Variants in ABCA5 observed in about 807,000 individuals in gnomAD.
The protein encoded by ABCA5 is cholesterol transporter ABCA5.
A neutral mutation model predicts 206.0 loss-of-function variants in ABCA5; 163 were observed. That is an observed-to-expected ratio of 0.79 (90% CI 0.70 to 0.90). The LOEUF (loss-of-function observed/expected upper bound fraction) is 0.90. Ranked by LOEUF, ABCA5 falls within the 40% of genes least tolerant of loss-of-function variation. The probability of loss-of-function intolerance (pLI) is 0.00; values close to 1 mark genes in which losing one functional copy is unlikely to be tolerated. For missense variants in ABCA5, 1,859 were observed against 1,912.9 expected, an observed-to-expected ratio of 0.97 and a Z score of 0.53; for synonymous variants, 609 against 613.8, an observed-to-expected ratio of 0.99 and a Z score of 0.11.
chr17:69,246,449 T>C lies in ABCA5; in HGVS notation c.*1088A>G, dbSNP rs182373879. On this transcript the variant is annotated 3_prime_UTR_variant, in exon 39 of 39. Transcript: ENST00000392676. ...AGAAAATATTAGCCATGCCTTTAAC[T>C]CTATCAAAAATGAAATTCTGGTTCT... 47 of 152,068 alleles carry C rather than the reference T, an allele frequency of 3.1e-4. No homozygotes were observed. The highest frequency in any genetic ancestry group is 1.1e-3 in the African/African-American group (45 of 41,556). 9.4% of individuals were successfully genotyped at this position (152,068 alleles called of 1,614,324 possible). A position where few individuals can be genotyped will look rare whatever the true frequency, so the allele number is the denominator to read the frequency against.
intron 31 of ABCA5, 123 bp downstream of exon 31, chr17:69,255,420 G>T: frequency 1.7e-6 from 1 of 576,298 alleles, no homozygotes; most frequent in Non-Finnish European, 2.8e-6. Context: ...TGATCAGGCT[G>T]TACAAAAAAT....
chr17:69,256,047 T>G, intron 29 of ABCA5, 110 bp downstream of exon 29: 1 of 1,379,562 alleles, frequency 7.2e-7, no homozygotes, highest in Non-Finnish European at 9.7e-7. Flanking sequence ...AAGAAAGATT[T>G]TTTTCAGATT....
At chr17:69,313,323 C>A in intron 2 of ABCA5, 27 bp from the exon 3 acceptor site, 2 of 1,065,268 alleles carry the variant, frequency 1.9e-6, no homozygotes, top group Non-Finnish European at 2.7e-6. Context: ...AAAGTAATTA[C>A]AAAGTATAAC....
rs116458150 is a variant in ABCA5, at chr17:69,296,691, G to A, written c.1436+500C>T. On this transcript the variant is annotated intron_variant, in intron 10 of 38. Transcript: ENST00000392676. ...AAACATAAAATTTCAGGGGACAGGT[G>A]TGGTGGCTTACGCCTGTAATCCCAG... 2.8e-3 allele frequency among the ~76,000 whole-genome samples: 428 copies of A among 152,342 alleles called. 5 individuals are homozygous for A. The highest frequency in any genetic ancestry group is 0.01 in the African/African-American group (421 of 41,576).
At chr17:69,296,871 A>G (rs1598188946) in intron 10 of ABCA5, among the ~76,000 whole-genome samples, 1 of 152,208 alleles carries the variant, frequency 6.6e-6, no homozygotes, top group East Asian at 1.9e-4. Context: ...AGGTTGAGGC[A>G]CAAGAATTGT....
chr17:69,286,767 G>A (rs2075459098), intron 15 of ABCA5, among the ~76,000 whole-genome samples: 1 of 152,132 alleles, frequency 6.6e-6, no homozygotes, highest in African/African-American at 2.4e-5. Flanking sequence ...TGAATGACTT[G>A]CCCAATTTTA....
chr17:69,290,578 A>G (rs776627619), intron 12 of ABCA5, among the ~76,000 whole-genome samples: 4 of 152,146 alleles, frequency 2.6e-5, no homozygotes, highest in Non-Finnish European at 5.9e-5. Flanking sequence ...ACCATCAAAG[A>G]GTGATACAAC....
intron 23 of ABCA5, among the ~76,000 whole-genome samples, chr17:69,266,135 C>CA (rs1044028502): frequency 8.0e-4 from 121 of 151,546 alleles, no homozygotes; most frequent in South Asian, 3.5e-3. Flanking sequence ...GGATGAACTT[C>CA]AAAAAAAATG....
chr17:69,269,922 A>C (rs1435575185), intron 22 of ABCA5, among the ~76,000 whole-genome samples: 1 of 152,148 alleles, frequency 6.6e-6, no homozygotes, highest in Admixed American at 6.6e-5. Context: ...AGTGGGTATG[A>C]GAGGAAATGA....
chr17:69,317,606 G>A (rs1393874830), intron 1 of ABCA5: 1 of 151,992 alleles, frequency 6.6e-6, no homozygotes, highest in Non-Finnish European at 1.5e-5. Flanking sequence ...AAAGAATGAG[G>A]AGAAACTGCT....
intron 18 of ABCA5, 98 bp from the exon 19 acceptor site, chr17:69,277,940 T>C (rs1480235676): frequency 3.4e-6 from 3 of 871,048 alleles, no homozygotes; most frequent in Non-Finnish European, 5.0e-6. Flanking sequence ...GTCTGGCAGT[T>C]ATGTGGAACA....
rs762408419 is a variant in ABCA5 at position 69,291,312 on chromosome 17, T to C, written c.1510A>G (p.Ile504Val). The C allele has an allele frequency of 2.5e-6, 4 of 1,603,960 alleles. No individual in the cohort carries two copies. Among genetic ancestry groups the C allele is most frequent in the East Asian group, 4.5e-5 (2 of 44,602 alleles). The change falls in exon 12 of 39, where the codon ATA becomes GTA. Residue 504 changes from isoleucine to valine, a missense_variant. Coordinates refer to ENST00000392676, the MANE Select transcript of ABCA5 (RefSeq NM_172232.4). ...VEALRNLSFDIYEGQITALLG... is the reference protein window; with the variant it reads ...VEALRNLSFDVYEGQITALLG... ...AAGGCAGTAATCTGACCCTCATATA[T>C]GTCAAATGACAAATCTAGTTCAGGA... is the stretch of plus-strand genomic sequence containing the variant.
chr17:69,250,370 G>T, intron 36 of ABCA5, 102 bp downstream of exon 36: 3 of 902,038 alleles, frequency 3.3e-6, no homozygotes, highest in South Asian at 1.9e-5. Flanking sequence ...TATATATATG[G>T]TCTATGAATG....
At chr17:69,285,682 A>T (rs554325886) in intron 17 of ABCA5, among the ~76,000 whole-genome samples, 2 of 152,008 alleles carry the variant, frequency 1.3e-5, no homozygotes, top group Non-Finnish European at 2.9e-5. Context: ...TTAATATATT[A>T]GTTACAGTTT....
At chr17:69,305,626 T>C (rs2075707886) in intron 6 of ABCA5, among the ~76,000 whole-genome samples, 1 of 152,100 alleles carries the variant, frequency 6.6e-6, no homozygotes, top group Admixed American at 6.6e-5. Context: ...TCCCAGCACT[T>C]TGGGAGGCCA....
chr17:69,303,825 T>TACAC (rs1491492719), intron 7 of ABCA5, among the ~76,000 whole-genome samples: 5 of 5,636 alleles, frequency 8.9e-4, no homozygotes, highest in East Asian at 6.0e-3. Flanking sequence ...TATATATATA[T>TACAC]GTATATATAT....
At chr17:69,261,040 G>A (rs1241078798) in intron 26 of ABCA5, 85 bp downstream of exon 26, 3 of 1,200,014 alleles carry the variant, frequency 2.5e-6, no homozygotes, top group African/African-American at 3.1e-5. Flanking sequence ...GCATTTTACT[G>A]TTTTCTATAC....
At chr17:69,271,063 T>C (rs1242861733) in intron 21 of ABCA5, 99 bp downstream of exon 21, 6 of 1,389,258 alleles carry the variant, frequency 4.3e-6, no homozygotes, top group Non-Finnish European at 5.7e-6. Flanking sequence ...ATCTAATTTC[T>C]AACTCATAAG....
intron 18 of ABCA5, 132 bp from the exon 19 acceptor site, chr17:69,277,974 C>A (rs2075352542): frequency 1.6e-6 from 1 of 627,720 alleles, no homozygotes; most frequent in African/African-American, 1.9e-5. Context: ...TATATTCTGG[C>A]AGTATCTATT....
Sources: allele counts gnomAD v4.1 joint callset (sites outside exome capture counted in the v4.1 genomes callset), GRCh38; gene constraint gnomAD v4.1.1; transcripts MANE v1.5; gene names NCBI Gene and HGNC (gene_info 2026-07-23, HGNC 2026-07-21).